Variants in ARB2A observed in about 807,000 individuals in gnomAD.
ARB2A encodes ARB2 cotranscriptional regulator A.
chr5:93,941,975 C>T, the ARB2A span, among the ~76,000 whole-genome samples: 1 of 152,148 alleles, frequency 6.6e-6, no homozygotes, highest in Non-Finnish European at 1.5e-5. Context: ...ATGCAAACAG[C>T]TATTACAGAA....
At chr5:93,944,085 A>T in the ARB2A span, among the ~76,000 whole-genome samples, 2 of 152,158 alleles carry the variant, frequency 1.3e-5, no homozygotes, top group African/African-American at 4.8e-5. Context: ...TTCTAGTGTG[A>T]TGAATATTGC....
the ARB2A span, among the ~76,000 whole-genome samples, chr5:94,048,646 G>C: frequency 1.3e-5 from 2 of 152,150 alleles, no homozygotes; most frequent in East Asian, 3.9e-4. Context: ...AACAGGCCCA[G>C]GTGGAGGCTG....
At chr5:93,715,052 C>T in the ARB2A span, among the ~76,000 whole-genome samples, 7 of 152,090 alleles carry the variant, frequency 4.6e-5, no homozygotes, top group Admixed American at 4.6e-4. Flanking sequence ...AATTCCATTC[C>T]TCCCTTAATT....
chr5:93,818,942 CT>C, the ARB2A span, among the ~76,000 whole-genome samples: 1 of 152,004 alleles, frequency 6.6e-6, no homozygotes, highest in African/African-American at 2.4e-5. Flanking sequence ...AATCCCAGCA[CT>C]TTGGGAGGCC....
At chr5:93,900,445 T>C in the ARB2A span, among the ~76,000 whole-genome samples, 1 of 151,792 alleles carries the variant, frequency 6.6e-6, no homozygotes, top group East Asian at 1.9e-4. Context: ...ACCCCGTCTC[T>C]ACGAAAAATA....
At chr5:93,969,484 A>G in the ARB2A span, among the ~76,000 whole-genome samples, 9 of 152,136 alleles carry the variant, frequency 5.9e-5, no homozygotes, top group African/African-American at 2.2e-4. Flanking sequence ...TAATTTTGAG[A>G]TTATATATTC....
chr5:93,777,659 T>C, the ARB2A span, among the ~76,000 whole-genome samples: 1 of 152,054 alleles, frequency 6.6e-6, no homozygotes, highest in Non-Finnish European at 1.5e-5. Flanking sequence ...TAAACAAGCA[T>C]GTATTGTGTA....
chr5:93,834,346 G>A, the ARB2A span, among the ~76,000 whole-genome samples: 2 of 152,256 alleles, frequency 1.3e-5, no homozygotes, highest in Admixed American at 1.3e-4. Context: ...GTGACACTGG[G>A]TCATTTCAAG....
At chr5:93,722,515 G>C in the ARB2A span, among the ~76,000 whole-genome samples, 1 of 152,190 alleles carries the variant, frequency 6.6e-6, no homozygotes, top group South Asian at 2.1e-4. Context: ...GTGCTATCTT[G>C]CTGCCTGTTG....
the ARB2A span, among the ~76,000 whole-genome samples, chr5:94,095,189 T>C: frequency 1.3e-5 from 2 of 152,282 alleles, no homozygotes; most frequent in East Asian, 1.9e-4. Context: ...CTAAGTCACA[T>C]AGTTAGTATT....
At chr5:93,951,085 G>A in the ARB2A span, among the ~76,000 whole-genome samples, 28 of 152,108 alleles carry the variant, frequency 1.8e-4, no homozygotes, top group Non-Finnish European at 4.0e-4. Flanking sequence ...GATCAACGAC[G>A]TTGGGCACCT....
At chr5:93,925,170 T>C in the ARB2A span, among the ~76,000 whole-genome samples, 3 of 152,126 alleles carry the variant, frequency 2.0e-5, no homozygotes, top group African/African-American at 7.2e-5. Flanking sequence ...TTTGTATCTA[T>C]TGGTTATAAG....
At chr5:93,746,182 G>C in the ARB2A span, among the ~76,000 whole-genome samples, 19 of 152,276 alleles carry the variant, frequency 1.2e-4, no homozygotes, top group African/African-American at 4.3e-4. Flanking sequence ...TCAAAGATAA[G>C]TTAGGCAATT....
the ARB2A span, among the ~76,000 whole-genome samples, chr5:94,095,689 A>G: frequency 1.3e-5 from 2 of 151,798 alleles, no homozygotes; most frequent in East Asian, 1.9e-4. Context: ...ACACTCCCAT[A>G]GTATCCTATA....
At chr5:93,959,440 T>C in the ARB2A span, among the ~76,000 whole-genome samples, 1 of 152,062 alleles carries the variant, frequency 6.6e-6, no homozygotes, top group South Asian at 2.1e-4. Flanking sequence ...TATAAGTCTA[T>C]AGTTGTATAA....
At chr5:93,648,326 TA>T in the ARB2A span, among the ~76,000 whole-genome samples, 2 of 152,120 alleles carry the variant, frequency 1.3e-5, no homozygotes, top group African/African-American at 2.4e-5. Context: ...ATTATGTTAG[TA>T]AAAACATAAG....
the ARB2A span, among the ~76,000 whole-genome samples, chr5:93,703,593 A>G: frequency 6.6e-6 from 1 of 152,216 alleles, no homozygotes; most frequent in Non-Finnish European, 1.5e-5. Context: ...GCGAATCAAT[A>G]AGAGGCAGAA....
At chr5:94,004,065 G>A in the ARB2A span, among the ~76,000 whole-genome samples, 7 of 152,092 alleles carry the variant, frequency 4.6e-5, no homozygotes, top group African/African-American at 1.2e-4. Context: ...TTCTGACAAA[G>A]CTATAAGAGC....
chr5:93,782,225 A>G, the ARB2A span, among the ~76,000 whole-genome samples: 1 of 152,208 alleles, frequency 6.6e-6, no homozygotes, highest in African/African-American at 2.4e-5. Flanking sequence ...AGTGTTTTCA[A>G]TGATAACACA....
Sources: gnomAD v4.1 joint callset for allele counts (sites outside exome capture counted in the v4.1 genomes callset) on GRCh38, gnomAD v4.1.1 for gene constraint, MANE v1.5 for transcripts, NCBI Gene and HGNC (gene_info 2026-07-23, HGNC 2026-07-21) for gene names.